Variants in MAST2 observed in about 807,000 individuals in gnomAD.
The protein encoded by MAST2 is microtubule associated serine/threonine kinase 2.
MAST2 carries 70 observed loss-of-function variants against 147.4 expected under a neutral mutation model. The ratio of observed to expected loss-of-function variants is 0.47; its 90% CI spans 0.39 to 0.58. The LOEUF is 0.58. MAST2 is among the 20% of genes least tolerant of loss of function. The pLI is 0.00. For missense variants in MAST2, 2,080 were observed against 2,302.3 expected (o/e 0.90, Z 1.98); for synonymous variants, 869 against 896.8 (o/e 0.97, Z 0.55).
At chr1:45,853,082 C>G (rs998052804) in intron 3 of MAST2, among the ~76,000 whole-genome samples, 1 of 151,996 alleles carries the variant, frequency 6.6e-6, no homozygotes, top group Non-Finnish European at 1.5e-5. Context: ...AGTCGCCTAC[C>G]ACCATGCTCA....
At chr1:45,917,742 T>C (rs553947048) in intron 4 of MAST2, among the ~76,000 whole-genome samples, 12 of 152,296 alleles carry the variant, frequency 7.9e-5, no homozygotes, top group African/African-American at 2.6e-4. Flanking sequence ...TTTTTGAGGC[T>C]ATTATAAGTT....
At chr1:45,838,103 C>T (rs562509387) in intron 3 of MAST2, among the ~76,000 whole-genome samples, 1 of 151,286 alleles carries the variant, frequency 6.6e-6, no homozygotes, top group East Asian at 2.0e-4. Flanking sequence ...TTTAGCCATA[C>T]TAGTGGATGT....
At chr1:45,845,177 G>A (rs1200308271) in intron 3 of MAST2, among the ~76,000 whole-genome samples, 1 of 152,124 alleles carries the variant, frequency 6.6e-6, no homozygotes, top group Non-Finnish European at 1.5e-5. Flanking sequence ...TTGATGGTTA[G>A]AATACATGGG....
rs182081060 is a variant in MAST2, at chr1:45,901,324, G to A, written c.500+18929G>A. On this transcript the variant is annotated intron_variant, in intron 4 of 28. Transcript: ENST00000361297. ...TCACTTTACTGTAGGTGTATGGATT[G>A]ACTTCTGGGTTCTCTGTTTTATTTC... is the stretch of plus-strand genomic sequence containing the variant. 3.9e-4 allele frequency among the ~76,000 whole-genome samples: 60 copies of A among 152,158 alleles called. 1 individual carries two copies. Among genetic ancestry groups the A allele is most frequent in the African/African-American group, 1.4e-3 (58 of 41,542 alleles).
At chr1:45,990,334 A>G (rs950127649) in intron 5 of MAST2, among the ~76,000 whole-genome samples, 10 of 152,122 alleles carry the variant, frequency 6.6e-5, no homozygotes, top group Non-Finnish European at 1.5e-4. Flanking sequence ...TGCTATCTGT[A>G]TATCTTTGGT....
chr1:45,992,995 A>G (rs1017441689), intron 5 of MAST2, among the ~76,000 whole-genome samples: 1 of 152,000 alleles, frequency 6.6e-6, no homozygotes, highest in African/African-American at 2.4e-5. Flanking sequence ...CCTCATATCA[A>G]TCTTCAAATA....
chr1:45,969,277 A>C (rs1009409226), intron 5 of MAST2, among the ~76,000 whole-genome samples: 3 of 152,154 alleles, frequency 2.0e-5, no homozygotes, highest in Non-Finnish European at 4.4e-5. Flanking sequence ...AGATGAACTG[A>C]GTAAAAGTAG....
chr1:46,001,154 C>T (rs1645259274), intron 6 of MAST2, among the ~76,000 whole-genome samples: 1 of 152,230 alleles, frequency 6.6e-6, no homozygotes, highest in Admixed American at 6.5e-5. Flanking sequence ...CTCCCTCTAC[C>T]TGCTGGAACC....
At chr1:45,825,946 A>G (rs1179064429) in intron 2 of MAST2, among the ~76,000 whole-genome samples, 1 of 151,690 alleles carries the variant, frequency 6.6e-6, no homozygotes, top group Non-Finnish European at 1.5e-5. Flanking sequence ...GCATGGTGAT[A>G]TGTGTCTGTG....
chr1:45,999,055 A>C (rs1310661478), intron 6 of MAST2, among the ~76,000 whole-genome samples: 1 of 152,164 alleles, frequency 6.6e-6, no homozygotes, highest in African/African-American at 2.4e-5. Flanking sequence ...TTTTAAAAAA[A>C]GACATATTAG....
At chr1:45,888,756 A>G (rs769357061) in intron 4 of MAST2, among the ~76,000 whole-genome samples, 14 of 127,738 alleles carry the variant, frequency 1.1e-4, no homozygotes, top group Non-Finnish European at 2.0e-4. Context: ...ATCTCGCCTC[A>G]CTGCAACCTC....
chr1:45,841,750 A>C (rs1645284073), intron 3 of MAST2, among the ~76,000 whole-genome samples: 1 of 152,350 alleles, frequency 6.6e-6, no homozygotes, highest in South Asian at 2.1e-4. Flanking sequence ...TGCTTCATTC[A>C]GCAAAAAGGA....
chr1:45,814,035 A>G (rs1445574500), intron 1 of MAST2, among the ~76,000 whole-genome samples: 1 of 152,208 alleles, frequency 6.6e-6, no homozygotes, highest in Non-Finnish European at 1.5e-5. Context: ...AACACATTAC[A>G]TGTTCATGGT....
intron 3 of MAST2, among the ~76,000 whole-genome samples, chr1:45,838,727 T>C (rs1010224817): frequency 3.9e-5 from 6 of 152,174 alleles, no homozygotes; most frequent in African/African-American, 7.2e-5. Context: ...TACACAAATA[T>C]TTATATACGA....
chr1:45,903,695 G>A (rs1169107912), intron 4 of MAST2, among the ~76,000 whole-genome samples: 1 of 152,134 alleles, frequency 6.6e-6, no homozygotes, highest in Non-Finnish European at 1.5e-5. Flanking sequence ...AATTTATTGA[G>A]ACTAGCTTTA....
intron 1 of MAST2, among the ~76,000 whole-genome samples, chr1:45,810,412 C>G (rs1557791592): frequency 6.6e-6 from 1 of 152,120 alleles, no homozygotes; most frequent in Non-Finnish European, 1.5e-5. Context: ...ATATAGGGAA[C>G]TATAATCGGT....
At chr1:45,990,498 T>C (rs1485752829) in intron 5 of MAST2, among the ~76,000 whole-genome samples, 1 of 152,122 alleles carries the variant, frequency 6.6e-6, no homozygotes, top group East Asian at 1.9e-4. Flanking sequence ...ACTTGACTTT[T>C]CTTGTTTGTT....
chr1:45,987,482 T>C (rs1468747141), intron 5 of MAST2, among the ~76,000 whole-genome samples: 1 of 152,108 alleles, frequency 6.6e-6, no homozygotes, highest in East Asian at 1.9e-4. Flanking sequence ...CAGCTAATTT[T>C]TAAATTCTTT....
chr1:46,027,048 A>G (rs1402861548), intron 16 of MAST2, among the ~76,000 whole-genome samples: 1 of 152,208 alleles, frequency 6.6e-6, no homozygotes, highest in Non-Finnish European at 1.5e-5. Context: ...GAGGGGAACC[A>G]GTTGGGAGGC....
Sources: gnomAD v4.1 joint callset for allele counts (sites outside exome capture counted in the v4.1 genomes callset) on GRCh38, gnomAD v4.1.1 for gene constraint, MANE v1.5 for transcripts, NCBI Gene and HGNC (gene_info 2026-07-23, HGNC 2026-07-21) for gene names.